RPUSD3: variants seen among roughly 807,000 people sequenced by gnomAD.
RPUSD3 encodes RNA pseudouridine synthase D3, also known as mitochondrial mRNA pseudouridine synthase RPUSD3.
In RPUSD3, 36 loss-of-function variants were observed where a neutral mutation model predicts 35.1. The observed-to-expected ratio is 1.02, with a 90% CI of 0.79 to 1.35. The LOEUF (loss-of-function observed/expected upper bound fraction) is 1.35. RPUSD3 is among the 40% of genes most tolerant of loss of function. RPUSD3 has a pLI of 0.00. For missense variants in RPUSD3, 486 were observed against 441.9 expected (o/e 1.10, Z -0.89); for synonymous variants, 202 against 187.8 (o/e 1.08, Z -0.62).
At chr3:9,842,418 A>G (rs567600519) in intron 2 of RPUSD3, 175 bp from the exon 3 acceptor site, 3 of 668,080 alleles carry the variant, frequency 4.5e-6, no homozygotes, top group Non-Finnish European at 8.1e-6. Flanking sequence ...CTGCCACCTC[A>G]GAGCCTCGGC....
Position 9,840,634 on chromosome 3 carries a change from G to A in RPUSD3, c.516-18C>T, listed in dbSNP as rs1404535899. 1 of 1,613,052 alleles carries A rather than the reference G, an allele frequency of 6.2e-7. No homozygotes were observed. On this transcript the variant is annotated intron_variant, in intron 5 of 8. Transcript: ENST00000383820. Reference sequence around the variant, plus strand: ...TGACAGCACTGAGAAAGGGGCAGGAGGAGGTCACAGGGTGGCTTGCTGGGA... The same window carrying A: ...TGACAGCACTGAGAAAGGGGCAGGAAGAGGTCACAGGGTGGCTTGCTGGGA...
At chr3:9,839,244 T>A in intron 7 of RPUSD3, 73 bp from the exon 8 acceptor site, 5 of 1,517,332 alleles carry the variant, frequency 3.3e-6, no homozygotes, top group Non-Finnish European at 4.5e-6. Flanking sequence ...ACTCCTCCCC[T>A]TTTCCTTTGG....
chr3:9,843,816 C>G (rs2082139990), intron 1 of RPUSD3, 74 bp downstream of exon 1: 1 of 1,553,946 alleles, frequency 6.4e-7, no homozygotes, highest in Non-Finnish European at 8.7e-7. Context: ...TAACATCTAC[C>G]TGATCCAGAT....
chr3:9,840,864 G>GA, intron 4 of RPUSD3, 59 bp from the exon 5 acceptor site: 3 of 1,341,358 alleles, frequency 2.2e-6, no homozygotes, highest in Non-Finnish European at 1.0e-6. Context: ...CACTAAAAAG[G>GA]AAACTCTTAG....
chr3:9,840,073 G>C, intron 7 of RPUSD3, 111 bp downstream of exon 7: 1 of 1,385,566 alleles, frequency 7.2e-7, no homozygotes, highest in Non-Finnish European at 9.8e-7. Flanking sequence ...GTTGAAACAG[G>C]GTTTCACCAT....
At position 9,840,531 on chromosome 3, in the gene RPUSD3, C is replaced by T. The variant is rs190136144; in HGVS notation, c.600+1G>A. The T allele has an allele frequency of 7.4e-5, 119 of 1,613,996 alleles. No individual in the cohort carries two copies. The highest frequency in any genetic ancestry group is 9.7e-5 in the Non-Finnish European group (114 of 1,179,888). On this transcript the variant is annotated splice_donor_variant, in intron 6 of 8. Transcript: ENST00000383820. LOFTEE classifies it high-confidence loss of function. ...CCTCCTCTTCCCAGACCCGGACTCA[C>T]GAGATTGACCCCATCAATGTGTTCC...
At chr3:9,838,351 GA>G in intron 8 of RPUSD3, 144 bp from the exon 9 acceptor site, 1 of 776,764 alleles carries the variant, frequency 1.3e-6, no homozygotes, top group Non-Finnish European at 2.1e-6. Flanking sequence ...TTTGCACACA[GA>G]TGTGCACATT....
chr3:9,840,277 C>T (rs745877910), exon 7 of RPUSD3: 1 of 1,614,094 alleles, frequency 6.2e-7, no homozygotes, highest in East Asian at 2.2e-5. Flanking sequence ...TCCAGGATGT[C>T]CTTTCGGGAT....
chr3:9,839,444 T>G, intron 7 of RPUSD3: 1 of 308,720 alleles, frequency 3.2e-6, no homozygotes. Context: ...GACTGTTCTT[T>G]CCTGTTGGGG....
chr3:9,838,949 GCA>G, intron 8 of RPUSD3, 81 bp downstream of exon 8: 1 of 1,595,166 alleles, frequency 6.3e-7, no homozygotes, highest in Non-Finnish European at 8.6e-7. Flanking sequence ...GTCCCAAGCT[GCA>G]CAGATAAGGT....
chr3:9,838,026 C>T (rs374727641), exon 9 of RPUSD3: 386 of 1,569,154 alleles, frequency 2.5e-4, no homozygotes, highest in Non-Finnish European at 2.8e-4. Flanking sequence ...CTATTGTAAG[C>T]GGAGCCCCAG....
At chr3:9,843,435 C>T in intron 2 of RPUSD3, 30 bp downstream of exon 2, 9 of 1,612,488 alleles carry the variant, frequency 5.6e-6, no homozygotes, top group Non-Finnish European at 7.6e-6. Flanking sequence ...CCCTCCCGGT[C>T]CTTGTGCGGC....
chr3:9,838,195 C>G, exon 9 of RPUSD3: 1 of 1,611,944 alleles, frequency 6.2e-7, no homozygotes, highest in Non-Finnish European at 8.5e-7. Context: ...CTGAGGAGGG[C>G]TTCATCCAGG....
chr3:9,843,752 AT>A (rs2082138811), intron 1 of RPUSD3, 137 bp downstream of exon 1: 1 of 1,540,480 alleles, frequency 6.5e-7, no homozygotes, highest in East Asian at 2.4e-5. Flanking sequence ...GACCGGTCCC[AT>A]TCTACAGCGG....
chr3:9,842,176 C>T, intron 3 of RPUSD3, 23 bp downstream of exon 3: 1 of 1,614,140 alleles, frequency 6.2e-7, no homozygotes, highest in East Asian at 2.2e-5. Flanking sequence ...GCTGCATTCC[C>T]TTCCCACATC....
In RPUSD3 at chr3:9,843,462, C is replaced by A. The variant is rs2082132583; in HGVS notation, c.262+3G>T. 1 of 1,613,824 alleles carries A rather than the reference C, an allele frequency of 6.2e-7. No homozygotes were observed. The highest frequency in any genetic ancestry group is 1.1e-5 in the South Asian group (1 of 91,080). On this transcript the variant is annotated splice_donor_region_variant and intron_variant, in intron 2 of 8. Coordinates refer to ENST00000383820, the Ensembl canonical transcript of RPUSD3. The stretch of plus-strand genomic sequence containing the variant: ...TTGTGCGGCCGTGCCTCTCACCCCT[C>A]ACCTTTCCGGTCCACCACGGCTGCC...
At chr3:9,838,871 C>G (rs1459638789) in intron 8 of RPUSD3, 161 bp downstream of exon 8, 38 of 864,186 alleles carry the variant, frequency 4.4e-5, no homozygotes, top group Non-Finnish European at 6.4e-5. Flanking sequence ...GTGTTACTTG[C>G]CCAAGGCCAC....
chr3:9,839,086 AG>A lies in RPUSD3; in HGVS notation c.809del (p.Thr270MetfsTer31). The A allele has an allele frequency of 1.2e-6, 2 of 1,614,248 alleles. No homozygotes were observed. Among genetic ancestry groups the A allele is most frequent in the Non-Finnish European group, 1.7e-6 (2 of 1,180,042 alleles). Reference sequence around the variant, plus strand: ...GCAGCAGAAATCGCTGGCCCAGGACAGTGCCCACACGGGCAGAGTACATGTG... The same window carrying A: ...GCAGCAGAAATCGCTGGCCCAGGACATGCCCACACGGGCAGAGTACATGTG... On this transcript the variant is annotated frameshift_variant, in exon 8 of 9. Transcript: ENST00000383820. LOFTEE classifies it high-confidence loss of function.
chr3:9,844,008 C>T, exon 1 of RPUSD3: 2 of 1,581,414 alleles, frequency 1.3e-6, no homozygotes, highest in South Asian at 1.1e-5. Flanking sequence ...GCCAGGACAG[C>T]GCGCATGTGC....
Sources: gnomAD v4.1 joint callset for allele counts on GRCh38, gnomAD v4.1.1 for gene constraint, MANE v1.5 for transcripts, NCBI Gene and HGNC (gene_info 2026-07-23, HGNC 2026-07-21) for gene names.